Variants in PPP2R2B observed in about 807,000 individuals in gnomAD.
The protein encoded by PPP2R2B is protein phosphatase 2 regulatory subunit Bbeta.
PPP2R2B carries 5 observed loss-of-function variants against 46.0 expected under a neutral mutation model. The observed-to-expected ratio is 0.11, with a 90% CI of 0.06 to 0.23. The LOEUF (loss-of-function observed/expected upper bound fraction) is 0.23. Ranked by LOEUF, PPP2R2B falls within the 10% of genes least tolerant of loss-of-function variation. The pLI, the probability that PPP2R2B is intolerant of heterozygous loss-of-function variation, is 1.00. For missense variants in PPP2R2B, 367 were observed against 575.0 expected, an observed-to-expected ratio of 0.64 and a Z score of 3.70; for synonymous variants, 215 against 206.7, an observed-to-expected ratio of 1.04 and a Z score of -0.34.
chr5:146,939,819 T>C (rs936543241), intron 1 of PPP2R2B, among the ~76,000 whole-genome samples: 2 of 152,206 alleles, frequency 1.3e-5, no homozygotes, highest in Non-Finnish European at 2.9e-5. Context: ...AAATAAGCTG[T>C]TCTTATACTT....
chr5:146,708,407 ATGTGTG>A (rs148698250), intron 2 of PPP2R2B, among the ~76,000 whole-genome samples: 30,850 of 138,502 alleles, frequency 0.22, 3,321 homozygotes, highest in East Asian at 0.41. Context: ...GTGTGTGTGT[ATGTGTG>A]TGTGTGTGTG....
chr5:146,981,492 C>T (rs894861995), intron 1 of PPP2R2B, among the ~76,000 whole-genome samples: 7 of 151,934 alleles, frequency 4.6e-5, no homozygotes, highest in Admixed American at 1.3e-4. Flanking sequence ...TAACCAGTCT[C>T]CTATCTCTTG....
chr5:146,866,199 A>T (rs319227), intron 2 of PPP2R2B, among the ~76,000 whole-genome samples: 1 of 151,996 alleles, frequency 6.6e-6, no homozygotes, highest in South Asian at 2.1e-4. Flanking sequence ...CATCGACATA[A>T]TTTTACAAAA....
At chr5:146,731,015 T>C (rs1752199233) in intron 2 of PPP2R2B, among the ~76,000 whole-genome samples, 2 of 152,158 alleles carry the variant, frequency 1.3e-5, no homozygotes, top group African/African-American at 2.4e-5. Context: ...ATGTACGAGG[T>C]GTGAGTTTGG....
At chr5:146,862,600 T>G (rs1405175143) in intron 2 of PPP2R2B, among the ~76,000 whole-genome samples, 1 of 152,126 alleles carries the variant, frequency 6.6e-6, no homozygotes, top group African/African-American at 2.4e-5. Context: ...GAAGCAGGAA[T>G]GGCCTGGAGT....
At position 147,032,494 on chromosome 5, in the gene PPP2R2B, T is replaced by C. The variant is rs560683551; in HGVS notation, c.79+23171A>G. ...CACTCTGCACCATATTTATAGTATT[T>C]TAGCTCTCACCCCCCTCTCCCTCTT... On this transcript the variant is annotated intron_variant, in intron 1 of 8. Transcript: ENST00000336640. 5.3e-5 allele frequency among the ~76,000 whole-genome samples: 8 copies of C among 152,246 alleles called. No homozygotes were observed. In the South Asian group the frequency reaches 1.0e-3, roughly 20 times the overall value.
At chr5:146,715,996 A>G (rs1006837512) in intron 2 of PPP2R2B, among the ~76,000 whole-genome samples, 3 of 152,138 alleles carry the variant, frequency 2.0e-5, no homozygotes, top group African/African-American at 7.2e-5. Context: ...CCAACTGTTC[A>G]TGCCATTTCA....
intron 1 of PPP2R2B, among the ~76,000 whole-genome samples, chr5:146,890,678 A>G (rs319190): frequency 0.47 from 71,154 of 152,026 alleles, 17,931 homozygotes; most frequent in East Asian, 0.7. Context: ...AATATAGAGT[A>G]AAAATAATAA....
intron 1 of PPP2R2B, among the ~76,000 whole-genome samples, chr5:147,044,809 A>G (rs942399507): frequency 1.3e-5 from 2 of 152,148 alleles, no homozygotes; most frequent in African/African-American, 2.4e-5. Context: ...ACAATTCTAG[A>G]TGGAGGCTTT....
chr5:146,860,406 A>G (rs1189694734), intron 2 of PPP2R2B, among the ~76,000 whole-genome samples: 1 of 152,208 alleles, frequency 6.6e-6, no homozygotes, highest in Non-Finnish European at 1.5e-5. Context: ...TAGATCATGA[A>G]ACCAAGAAAG....
At chr5:147,001,645 G>T (rs979435639) in intron 1 of PPP2R2B, among the ~76,000 whole-genome samples, 5 of 152,060 alleles carry the variant, frequency 3.3e-5, no homozygotes, top group Admixed American at 6.6e-5. Context: ...GACCATGAAG[G>T]GACCATCGCC....
intron 2 of PPP2R2B, among the ~76,000 whole-genome samples, chr5:146,738,395 C>CAA (rs58520511): frequency 0.012 from 1,047 of 85,410 alleles, 25 homozygotes; most frequent in African/African-American, 0.036. Context: ...GACTCAGTCT[C>CAA]AAAAAAAAAA....
chr5:146,887,582 A>G (rs1407319370), intron 1 of PPP2R2B, among the ~76,000 whole-genome samples: 1 of 152,236 alleles, frequency 6.6e-6, no homozygotes, highest in African/African-American at 2.4e-5. Context: ...ATAAATTACA[A>G]AAAGACCAGG....
At chr5:146,733,641 T>C (rs1752360108) in intron 2 of PPP2R2B, among the ~76,000 whole-genome samples, 2 of 152,126 alleles carry the variant, frequency 1.3e-5, no homozygotes, top group African/African-American at 2.4e-5. Context: ...CCTCCAAGTC[T>C]AGAATTGGCA....
At chr5:147,041,584 G>C (rs937075090) in intron 1 of PPP2R2B, among the ~76,000 whole-genome samples, 2 of 147,318 alleles carry the variant, frequency 1.4e-5, no homozygotes, top group Admixed American at 6.8e-5. Flanking sequence ...GTCATCCTAG[G>C]ACAAAGTTTC....
intron 2 of PPP2R2B, among the ~76,000 whole-genome samples, chr5:146,820,164 G>T (rs1726372733): frequency 6.6e-6 from 1 of 152,076 alleles, no homozygotes; most frequent in East Asian, 1.9e-4. Context: ...TTAACAATAA[G>T]ATATTGTAAT....
At position 146,589,372 on chromosome 5, in the gene PPP2R2B, C is replaced by T. The variant is rs1770369140; in HGVS notation, c.*575G>A. On this transcript the variant is annotated 3_prime_UTR_variant, in exon 10 of 10. Coordinates refer to ENST00000394411, the MANE Select transcript of PPP2R2B (RefSeq NM_181675.4). Reference sequence around the variant, plus strand: ...GTGCCCTTTCCTTGTCATTCTGCATCCTCTTCTCAGCTTCATGCAATAAAT... The same window carrying T: ...GTGCCCTTTCCTTGTCATTCTGCATTCTCTTCTCAGCTTCATGCAATAAAT... The T allele has an allele frequency of 6.5e-6, 1 of 153,054 alleles. No individual in the cohort carries two copies. The highest frequency in any genetic ancestry group is 2.4e-5 in the African/African-American group (1 of 41,386). The allele number at this position is 153,054 out of a possible 1,614,324, so 9.5% of individuals were successfully genotyped here.
chr5:146,925,530 A>G (rs1763753794), intron 1 of PPP2R2B, among the ~76,000 whole-genome samples: 1 of 152,002 alleles, frequency 6.6e-6, no homozygotes, highest in South Asian at 2.1e-4. Flanking sequence ...TCACCTTTCT[A>G]TGGTGCGTGC....
At chr5:146,719,184 G>A (rs1780652799) in intron 2 of PPP2R2B, among the ~76,000 whole-genome samples, 1 of 152,128 alleles carries the variant, frequency 6.6e-6, no homozygotes, top group South Asian at 2.1e-4. Flanking sequence ...CAAATCTTGG[G>A]TTTATTATTT....
Sources: gnomAD v4.1 joint callset for allele counts (sites outside exome capture counted in the v4.1 genomes callset) on GRCh38, gnomAD v4.1.1 for gene constraint, MANE v1.5 for transcripts, NCBI Gene and HGNC (gene_info 2026-07-23, HGNC 2026-07-21) for gene names.